Variants in SIN3A observed in about 807,000 individuals in gnomAD.
SIN3A encodes paired amphipathic helix protein Sin3a.
A neutral mutation model predicts 146.1 loss-of-function variants in SIN3A; 14 were observed. That is an observed-to-expected ratio of 0.10 (90% CI 0.06 to 0.15). The LOEUF is 0.15. Ranked by LOEUF, SIN3A falls within the 10% of genes least tolerant of loss-of-function variation. SIN3A has a pLI of 1.00. For missense variants in SIN3A, 1,028 were observed against 1,576.0 expected (o/e 0.65, Z 5.89); for synonymous variants, 572 against 572.0 (o/e 1.00, Z 0.00).
chr15:75,426,567 C>T (rs2073929131), intron 2 of SIN3A, among the ~76,000 whole-genome samples: 1 of 152,084 alleles, frequency 6.6e-6, no homozygotes, highest in Non-Finnish European at 1.5e-5. Context: ...GAAAGATATC[C>T]ACTATATATT....
intron 1 of SIN3A, among the ~76,000 whole-genome samples, chr15:75,449,550 T>C (rs1219092297): frequency 2.0e-5 from 3 of 152,180 alleles, no homozygotes; most frequent in Non-Finnish European, 4.4e-5. Context: ...TGAAATGCCC[T>C]AAGGCAACTC....
At chr15:75,405,331 A>G (rs1363305920) in intron 9 of SIN3A, among the ~76,000 whole-genome samples, 3 of 150,346 alleles carry the variant, frequency 2.0e-5, no homozygotes, top group South Asian at 4.2e-4. Flanking sequence ...ACACCACTTC[A>G]CTCCAGCCTG....
intron 6 of SIN3A, among the ~76,000 whole-genome samples, chr15:75,410,975 C>CAAA (rs36019521): frequency 2.3e-5 from 3 of 127,750 alleles, no homozygotes; most frequent in Admixed American, 8.3e-5. Flanking sequence ...AACTCTGTCT[C>CAAA]AAAAAAAAAA....
intron 16 of SIN3A, chr15:75,388,298 A>C (rs1271558911): frequency 6.5e-6 from 1 of 152,976 alleles, no homozygotes; most frequent in Non-Finnish European, 1.5e-5. Context: ...TACTTCCACA[A>C]GGAATCGCAG....
chr15:75,424,053 T>A (rs1377991136), intron 2 of SIN3A, among the ~76,000 whole-genome samples: 1 of 152,052 alleles, frequency 6.6e-6, no homozygotes, highest in Non-Finnish European at 1.5e-5. Context: ...AAAGGATGAG[T>A]TTTTTTCTTA....
At chr15:75,414,647 G>C (rs555713803) in intron 3 of SIN3A, among the ~76,000 whole-genome samples, 1 of 152,274 alleles carries the variant, frequency 6.6e-6, no homozygotes, top group South Asian at 2.1e-4. Flanking sequence ...AGGATTCAAT[G>C]ACAAATAATT....
chr15:75,429,673 C>G (rs1026904127), intron 2 of SIN3A, among the ~76,000 whole-genome samples: 9 of 152,186 alleles, frequency 5.9e-5, no homozygotes, highest in African/African-American at 2.2e-4. Context: ...ATGTTCACAG[C>G]AGCACCTTTG....
chr15:75,378,832 T>C (rs2141377369), intron 19 of SIN3A, among the ~76,000 whole-genome samples: 1 of 151,474 alleles, frequency 6.6e-6, no homozygotes, highest in Non-Finnish European at 1.5e-5. Context: ...ATTCACTAAT[T>C]TTTGTTTTGA....
In SIN3A at chr15:75,372,193, C is replaced by T. The variant is rs1218990584; in HGVS notation, c.3608G>A (p.Ser1203Asn). The T allele has an allele frequency of 6.2e-7, 1 of 1,604,622 alleles. No individual in the cohort carries two copies. The highest frequency in any genetic ancestry group is 8.5e-7 in the Non-Finnish European group (1 of 1,173,536). ...CTGGAATCTCTGATGTAGACGCTTG[C>T]TTACACGCTCATGGGACTGCAAAAC... The part of the protein sequence containing the change: ...LRAHQSHERV[S>N]KRLHQRFQAW... The change falls in exon 21 of 21, where the codon AGC becomes AAC. Residue 1203 changes from serine to asparagine, a missense_variant. Ser to Asn is a conservative substitution (Grantham distance 46, BLOSUM62 1). This residue lies in a region of SIN3A where 488 missense variants were observed against 690.2 expected (regional missense o/e 0.71). Coordinates refer to ENST00000394947, the MANE Select transcript of SIN3A (RefSeq NM_001145358.2).
At chr15:75,423,998 AAAG>A (rs1397323589) in intron 2 of SIN3A, among the ~76,000 whole-genome samples, 15 of 152,130 alleles carry the variant, frequency 9.9e-5, no homozygotes, top group African/African-American at 3.6e-4. Context: ...CTGTCTCCAA[AAAG>A]AAGAAAAAAA....
chr15:75,449,272 G>C (rs1382071604), intron 1 of SIN3A, among the ~76,000 whole-genome samples: 1 of 152,220 alleles, frequency 6.6e-6, no homozygotes, highest in Non-Finnish European at 1.5e-5. Flanking sequence ...TTCCTTAGCA[G>C]AGAAGGTAGG....
rs1232887806 is a variant in SIN3A at position 75,414,223 on chromosome 15, T to A, written c.455A>T (p.Lys152Met). 1.3e-6 allele frequency: 2 copies of A among 1,526,916 alleles called. No individual in the cohort carries two copies. The highest frequency in any genetic ancestry group is 2.3e-5 in the East Asian group (1 of 43,584). 94.6% of individuals were successfully genotyped at this position (1,526,916 alleles called of 1,614,324 possible). ...CTTTTACCTCTGAGATTTAAATTCC[T>A]TCATGATGTCAAGGAAATCATTGTA... is the stretch of plus-strand genomic sequence containing the variant. The part of the protein sequence containing the change: ...QVYNDFLDIM[K>M]EFKSQSIDTP... Residue 152 changes from lysine to methionine, a missense_variant, in exon 4 of 21, where the codon AAG becomes ATG. Lys to Met is a moderately conservative substitution (Grantham distance 95). Around this residue, in one of 9 missense-constraint regions of SIN3A, gnomAD observed 152 missense variants for 231.5 expected, o/e 0.66. Coordinates refer to ENST00000394947, the MANE Select transcript of SIN3A (RefSeq NM_001145358.2).
intron 20 of SIN3A, among the ~76,000 whole-genome samples, chr15:75,374,028 G>C (rs1253706750): frequency 1.3e-5 from 2 of 152,138 alleles, no homozygotes; most frequent in Non-Finnish European, 2.9e-5. Context: ...CACTTCATCT[G>C]TCTCCCAAAC....
At chr15:75,390,729 T>A (rs1029793147) in intron 15 of SIN3A, among the ~76,000 whole-genome samples, 1 of 152,208 alleles carries the variant, frequency 6.6e-6, no homozygotes, top group Non-Finnish European at 1.5e-5. Context: ...TTTCTATATA[T>A]ACATGCCGTA....
At position 75,426,292 on chromosome 15, in the gene SIN3A, C is replaced by T. The variant is rs193090606; in HGVS notation, c.190-3469G>A. 1.4e-4 allele frequency among the ~76,000 whole-genome samples: 22 copies of T among 152,326 alleles called. No homozygotes were observed. The East Asian group carries it at 4.0e-3, about 28-fold the overall frequency. On this transcript the variant is annotated intron_variant, in intron 2 of 20. Coordinates refer to ENST00000394947, the MANE Select transcript of SIN3A (RefSeq NM_001145358.2). The stretch of plus-strand genomic sequence containing the variant: ...AGCCCCACAGGAAGGGATTAGACAG[C>T]CTCAAGGGGACTCCTGAGGAAGAGT...
intron 17 of SIN3A, among the ~76,000 whole-genome samples, chr15:75,383,228 C>T (rs2073008296): frequency 6.7e-6 from 1 of 150,118 alleles, no homozygotes; most frequent in Non-Finnish European, 1.5e-5. Context: ...ACCAAGATTG[C>T]GCCACTGCAC....
chr15:75,450,683 A>G (rs1022714374), intron 1 of SIN3A, among the ~76,000 whole-genome samples: 1 of 152,204 alleles, frequency 6.6e-6, no homozygotes, highest in Non-Finnish European at 1.5e-5. Flanking sequence ...TTGTGCCCCC[A>G]GGCAGAAGGC....
chr15:75,439,378 T>TC (rs1474916454), intron 1 of SIN3A, among the ~76,000 whole-genome samples: 5 of 151,940 alleles, frequency 3.3e-5, no homozygotes, highest in Non-Finnish European at 5.9e-5. Flanking sequence ...TCTTGCTCTG[T>TC]CACCCAGGCT....
At chr15:75,437,434 T>C (rs1487329674) in intron 1 of SIN3A, among the ~76,000 whole-genome samples, 2 of 152,176 alleles carry the variant, frequency 1.3e-5, no homozygotes, top group Non-Finnish European at 2.9e-5. Flanking sequence ...CCCAAAGTGC[T>C]GAGATTATAG....
Sources: gnomAD v4.1 joint callset for allele counts (sites outside exome capture counted in the v4.1 genomes callset) on GRCh38, gnomAD v4.1.1 for gene constraint, gnomAD v4.1.1 regional missense constraint, MANE v1.5 for transcripts, NCBI Gene and HGNC (gene_info 2026-07-23, HGNC 2026-07-21) for gene names.